The following VSTM2L variants were observed in gnomAD, a reference collection of about 807,000 sequenced individuals.
VSTM2L encodes V-set and transmembrane domain containing 2 like, also known as V-set and transmembrane domain-containing protein 2-like protein.
In VSTM2L, 9 loss-of-function variants were observed where a neutral mutation model predicts 19.9. The observed-to-expected ratio is 0.45, with a 90% CI of 0.27 to 0.79. The LOEUF (loss-of-function observed/expected upper bound fraction) is 0.79, where lower values mean the gene tolerates loss of function less well. VSTM2L is among the 30% of genes least tolerant of loss of function. The probability of loss-of-function intolerance (pLI) is 0.15; values close to 1 mark genes in which losing one functional copy is unlikely to be tolerated. For missense variants in VSTM2L, 286 were observed against 295.5 expected, an observed-to-expected ratio of 0.97 and a Z score of 0.24; for synonymous variants, 127 against 133.8, an observed-to-expected ratio of 0.95 and a Z score of 0.35.
At chr20:37,936,230 C>T (rs1313700981) in intron 3 of VSTM2L, among the ~76,000 whole-genome samples, 4 of 144,740 alleles carry the variant, frequency 2.8e-5, no homozygotes, top group South Asian at 4.2e-4. Context: ...ATATGCGTAC[C>T]GGTGACATGA....
chr20:37,931,568 A>C (rs1600571333), intron 1 of VSTM2L, 67 bp from the exon 2 acceptor site: 23 of 1,476,984 alleles, frequency 1.6e-5, no homozygotes, highest in East Asian at 4.9e-5. Flanking sequence ...TACGTTCTCC[A>C]CCTCCTTCAC....
chr20:37,941,589 C>T (rs2072972462), intron 3 of VSTM2L, among the ~76,000 whole-genome samples: 1 of 152,210 alleles, frequency 6.6e-6, no homozygotes. Flanking sequence ...CCAGCAGGGG[C>T]ATCCCACCTG....
intron 2 of VSTM2L, 73 bp downstream of exon 2, chr20:37,931,877 C>T: frequency 6.7e-7 from 1 of 1,484,382 alleles, no homozygotes; most frequent in Non-Finnish European, 9.1e-7. Flanking sequence ...ATTTCTCTGC[C>T]CCTCTTCTCC....
chr20:37,939,863 C>T (rs1164019484), intron 3 of VSTM2L, among the ~76,000 whole-genome samples: 4 of 152,192 alleles, frequency 2.6e-5, no homozygotes, highest in Admixed American at 1.3e-4. Context: ...GCCTCCCATC[C>T]CTCCCTGCGG....
At chr20:37,928,697 G>A (rs961446756) in intron 1 of VSTM2L, among the ~76,000 whole-genome samples, 10 of 152,118 alleles carry the variant, frequency 6.6e-5, no homozygotes, top group South Asian at 4.1e-4. Flanking sequence ...CAAGGCTGCC[G>A]CAAGCCTTGA....
Position 37,943,993 on chromosome 20 carries a change from G to T in VSTM2L, c.355G>T (p.Val119Leu). The change falls in exon 4 of 4, where the codon GTG becomes TTG. Residue 119 changes from valine (V) to leucine (L), a missense_variant. Physicochemically the swap from Val to Leu is conservative, Grantham distance 32. Transcript: ENST00000373461. ...CTGTCACCCCCAGGTGGTCAAGGTGGTGGGCAGCAACATCTCCCACAAGCT... is the reference window on the plus strand; with the variant it reads ...CTGTCACCCCCAGGTGGTCAAGGTGTTGGGCAGCAACATCTCCCACAAGCT... ...EATKISVVKV[V>L]GSNISHKLRL... is the part of the protein sequence containing the mutation. 1 of 1,578,834 alleles carries T rather than the reference G, an allele frequency of 6.3e-7. No individual in the cohort carries two copies. Among genetic ancestry groups the T allele is most frequent in the Non-Finnish European group, 8.7e-7 (1 of 1,155,916 alleles).
chr20:37,914,362 TTATA>T (rs747676616), intron 1 of VSTM2L, among the ~76,000 whole-genome samples: 18 of 1,864 alleles, frequency 9.7e-3, no homozygotes, highest in Non-Finnish European at 0.018. Context: ...TGTGGGGTGT[TTATA>T]TATGTGTGTG....
chr20:37,935,688 G>A (rs1174903313), intron 3 of VSTM2L, among the ~76,000 whole-genome samples: 2 of 152,122 alleles, frequency 1.3e-5, no homozygotes, highest in Non-Finnish European at 2.9e-5. Context: ...ATCCGCTTGT[G>A]TGAGTTTTTG....
intron 1 of VSTM2L, among the ~76,000 whole-genome samples, chr20:37,905,467 C>A (rs1217855308): frequency 6.6e-6 from 1 of 152,158 alleles, no homozygotes; most frequent in East Asian, 1.9e-4. Context: ...TGAGGGGGCA[C>A]AGCTCTGCCC....
intron 3 of VSTM2L, among the ~76,000 whole-genome samples, chr20:37,937,362 A>G (rs113334908): frequency 0.014 from 2,085 of 152,240 alleles, 56 homozygotes; most frequent in African/African-American, 0.048. Flanking sequence ...TGGCCTAAAA[A>G]TATCTCCCTT....
intron 3 of VSTM2L, among the ~76,000 whole-genome samples, chr20:37,941,876 C>G (rs903080091): frequency 6.6e-6 from 1 of 150,908 alleles, no homozygotes; most frequent in African/African-American, 2.4e-5. Context: ...ACCACCACCC[C>G]TCTCCATAGG....
chr20:37,914,018 T>C (rs2072795571), intron 1 of VSTM2L, among the ~76,000 whole-genome samples: 1 of 151,490 alleles, frequency 6.6e-6, no homozygotes, highest in African/African-American at 2.4e-5. Context: ...AGGCGCTGAG[T>C]TTGGTGTGAG....
intron 3 of VSTM2L, among the ~76,000 whole-genome samples, chr20:37,937,481 G>A (rs1365151554): frequency 2.6e-5 from 4 of 151,968 alleles, no homozygotes; most frequent in African/African-American, 2.4e-5. Context: ...TTTTTCTTTC[G>A]ATCTAACTAA....
chr20:37,921,837 C>CTTTTTTTTTTTTTTTT (rs1568837638), intron 1 of VSTM2L, among the ~76,000 whole-genome samples: 1 of 126,614 alleles, frequency 7.9e-6, no homozygotes, highest in African/African-American at 3.6e-5. Context: ...TCTTTCTTTT[C>CTTTTTTTTTTTTTTTT]CTTTTTTTTT....
chr20:37,907,216 T>C (rs2072756047), intron 1 of VSTM2L, among the ~76,000 whole-genome samples: 1 of 152,182 alleles, frequency 6.6e-6, no homozygotes, highest in Non-Finnish European at 1.5e-5. Flanking sequence ...AAATGATCCT[T>C]TTACCTCAGC....
intron 2 of VSTM2L, among the ~76,000 whole-genome samples, chr20:37,933,179 G>GATAT (rs2072920271): frequency 6.6e-6 from 1 of 152,194 alleles, no homozygotes; most frequent in African/African-American, 2.4e-5. Flanking sequence ...CACACTCTCA[G>GATAT]AGTGACTCAA....
Position 37,944,280 on chromosome 20 carries a change from GC to G in VSTM2L, c.*32del. ...CTGATGCCCCTGCCCCCGCCCATCC[GC>G]CCCCACGCTGTACAGAGTGCATGAG... On this transcript the variant is annotated 3_prime_UTR_variant, in exon 4 of 4. Coordinates refer to ENST00000373461, the MANE Select transcript of VSTM2L (RefSeq NM_080607.3). The G allele has an allele frequency of 1.4e-6, 2 of 1,381,946 alleles. No individual in the cohort carries two copies. The highest frequency in any genetic ancestry group is 9.4e-7 in the Non-Finnish European group (1 of 1,060,602). 85.6% of individuals were successfully genotyped at this position (1,381,946 alleles called of 1,614,324 possible).
At position 37,919,866 on chromosome 20, in the gene VSTM2L, C is replaced by T. The variant is rs56905547; in HGVS notation, c.122-11769C>T. ...GTGTGATCTCAGGCACCGACTCTCC[C>T]TCTCTGAGCCTTGGCACTTCCTCTG... is the stretch of plus-strand genomic sequence containing the variant. On this transcript the variant is annotated intron_variant, in intron 1 of 3. Coordinates refer to ENST00000373461, the MANE Select transcript of VSTM2L (RefSeq NM_080607.3). 8.3e-3 allele frequency among the ~76,000 whole-genome samples: 1,271 copies of T among 152,332 alleles called. 24 individuals are homozygous for T. The highest frequency in any genetic ancestry group is 0.028 in the African/African-American group (1,151 of 41,568).
Position 37,944,859 on chromosome 20 carries a change from GCTC to G in VSTM2L, c.*608_*610del. The G allele has an allele frequency of 1.0e-6, 1 of 986,014 alleles. No homozygotes were observed. Among genetic ancestry groups the G allele is most frequent in the South Asian group, 4.7e-5 (1 of 21,292 alleles). 61.1% of individuals were successfully genotyped at this position (986,014 alleles called of 1,614,324 possible). ...CCTCCTGGCGAGTCCTTCCTGTTCA[GCTC>G]CCTGTGCGACCCTCCAGGGATGCAG... On this transcript the variant is annotated 3_prime_UTR_variant, in exon 4 of 4. Transcript: ENST00000373461.
Sources: gnomAD v4.1 joint callset for allele counts (sites outside exome capture counted in the v4.1 genomes callset) on GRCh38, gnomAD v4.1.1 for gene constraint, MANE v1.5 for transcripts, NCBI Gene and HGNC (gene_info 2026-07-23, HGNC 2026-07-21) for gene names.